ZBTB7C: variants seen among roughly 807,000 people sequenced by gnomAD.
The protein encoded by ZBTB7C is zinc finger and BTB domain-containing protein 7C.
Under a neutral mutation model 25.7 loss-of-function variants are expected in ZBTB7C, and 8 were observed. That is an observed-to-expected ratio of 0.31 (90% CI 0.18 to 0.56). ZBTB7C has a LOEUF of 0.56. Ranked by LOEUF, ZBTB7C falls within the 20% of genes least tolerant of loss-of-function variation. The pLI is 0.91. For missense variants in ZBTB7C, 824 were observed against 855.2 expected, an observed-to-expected ratio of 0.96 and a Z score of 0.46; for synonymous variants, 394 against 369.0, an observed-to-expected ratio of 1.07 and a Z score of -0.78.
chr18:48,141,146 A>ACCCC (rs1377082699), intron 3 of ZBTB7C, among the ~76,000 whole-genome samples: 36 of 81,678 alleles, frequency 4.4e-4, no homozygotes, highest in Non-Finnish European at 6.0e-4. Flanking sequence ...CCCCCGCACC[A>ACCCC]CCCCCCCCAC....
At chr18:48,157,188 T>C (rs938546307) in intron 3 of ZBTB7C, among the ~76,000 whole-genome samples, 2 of 152,166 alleles carry the variant, frequency 1.3e-5, no homozygotes, top group Admixed American at 1.3e-4. Flanking sequence ...GGAGAGCTTT[T>C]CAATAAATAA....
At chr18:48,086,174 C>T (rs1374473666) in intron 3 of ZBTB7C, among the ~76,000 whole-genome samples, 1 of 152,188 alleles carries the variant, frequency 6.6e-6, no homozygotes, top group African/African-American at 2.4e-5. Context: ...CTGCTGTTCC[C>T]CACTAACCAC....
In ZBTB7C at chr18:48,065,182, C is replaced by T. The variant is rs564418607; in HGVS notation, c.-16-24059G>A. On this transcript the variant is annotated intron_variant, in intron 3 of 4. Coordinates refer to ENST00000590800, the MANE Select transcript of ZBTB7C (RefSeq NM_001318841.2). ...GCGCTAGGCCCAGCTGGCTGGACCCCGCTGCCAGGACCTTGAATCTTAAGT... is the reference window on the plus strand; with the variant it reads ...GCGCTAGGCCCAGCTGGCTGGACCCTGCTGCCAGGACCTTGAATCTTAAGT... Among the ~76,000 whole-genome samples, 311 of 152,150 alleles carry T rather than the reference C, an allele frequency of 2.0e-3. 2 individuals are homozygous for T. The highest frequency in any genetic ancestry group is 7.2e-3 in the African/African-American group (300 of 41,518).
rs554622949 is a variant in ZBTB7C at position 48,391,937 on chromosome 18, C to T, written c.-304+17289G>A. On this transcript the variant is annotated intron_variant, in intron 1 of 4. Transcript: ENST00000590800. The stretch of plus-strand genomic sequence containing the variant: ...CCTCAAGAAGTTAAAATTCTTACAG[C>T]TTTTCAGTTGTCCCGGCCACAACTG... Among the ~76,000 whole-genome samples, 3 of 152,346 alleles carry T rather than the reference C, an allele frequency of 2.0e-5. No homozygotes were observed. The South Asian group carries it at 6.2e-4, about 32-fold the overall frequency.
intron 2 of ZBTB7C, among the ~76,000 whole-genome samples, chr18:48,204,801 C>T (rs536405675): frequency 2.0e-5 from 3 of 152,302 alleles, no homozygotes; most frequent in Admixed American, 1.3e-4. Context: ...ACCCCTGCAG[C>T]CTATGCCAGA....
chr18:48,351,646 C>T (rs1401914726), intron 1 of ZBTB7C, among the ~76,000 whole-genome samples: 1 of 152,218 alleles, frequency 6.6e-6, no homozygotes. Flanking sequence ...GTTGCTTCAA[C>T]TTGAAGGAGC....
intron 3 of ZBTB7C, among the ~76,000 whole-genome samples, chr18:48,058,633 G>T (rs1264742271): frequency 6.6e-6 from 1 of 152,160 alleles, no homozygotes; most frequent in African/African-American, 2.4e-5. Flanking sequence ...GCCAGCCTCC[G>T]GAATGGCTCC....
At chr18:48,367,333 TACATATATGTGTGC>T (rs2047263550) in intron 1 of ZBTB7C, among the ~76,000 whole-genome samples, 2 of 105,494 alleles carry the variant, frequency 1.9e-5, no homozygotes, top group African/African-American at 7.0e-5. Flanking sequence ...TGTATATATA[TACATATATGTGTGC>T]ATATATATAT....
At chr18:48,182,404 T>C (rs982869983) in intron 3 of ZBTB7C, among the ~76,000 whole-genome samples, 1 of 152,196 alleles carries the variant, frequency 6.6e-6, no homozygotes, top group African/African-American at 2.4e-5. Flanking sequence ...GAACAGAGCA[T>C]TCAAGACCGA....
In ZBTB7C at chr18:48,029,129, GTAT is replaced by G. The variant is rs545966893; in HGVS notation, c.*128_*130del. 2.5e-5 allele frequency: 31 copies of G among 1,252,514 alleles called. No individual in the cohort carries two copies. The highest frequency in any genetic ancestry group is 2.9e-5 in the East Asian group (1 of 34,380). The allele number at this position is 1,252,514 out of a possible 1,614,324, so 77.6% of individuals were successfully genotyped here. On this transcript the variant is annotated 3_prime_UTR_variant, in exon 5 of 5. Coordinates refer to ENST00000590800, the MANE Select transcript of ZBTB7C (RefSeq NM_001318841.2). Reference sequence around the variant, plus strand: ...GCCCGGGAAAATGCCATCACTGATAGTATTATTATTATTTTCCCATTTTCCCTT... The same window carrying G: ...GCCCGGGAAAATGCCATCACTGATAGTATTATTATTTTCCCATTTTCCCTT...
At chr18:48,133,598 G>C (rs1257567217) in intron 3 of ZBTB7C, among the ~76,000 whole-genome samples, 5 of 134,014 alleles carry the variant, frequency 3.7e-5, no homozygotes, top group Admixed American at 7.2e-5. Context: ...CATTCCCCAC[G>C]CTATTTTTTT....
chr18:48,395,264 AATGTGTGTGTGTGTGTGTG>A (rs2047996054), intron 1 of ZBTB7C, among the ~76,000 whole-genome samples: 1 of 97,596 alleles, frequency 1.0e-5, no homozygotes. Flanking sequence ...AGAGAGAGAG[AATGTGTGTGTGTGTGTGTG>A]TGTGTGTGTG....
At chr18:48,318,316 C>G (rs191371325) in intron 2 of ZBTB7C, among the ~76,000 whole-genome samples, 1 of 152,202 alleles carries the variant, frequency 6.6e-6, no homozygotes, top group Non-Finnish European at 1.5e-5. Flanking sequence ...AACCAACCCC[C>G]CCTCACAAGT....
chr18:48,067,935 A>G (rs1274602024), intron 3 of ZBTB7C, among the ~76,000 whole-genome samples: 1 of 152,100 alleles, frequency 6.6e-6, no homozygotes, highest in East Asian at 1.9e-4. Context: ...TGGGAGGCAG[A>G]GTTTGCAGTG....
intron 3 of ZBTB7C, among the ~76,000 whole-genome samples, chr18:48,167,563 G>GGTGTGTGTGTGTGTGTTTGT (rs1555705393): frequency 0.2 from 28,353 of 142,286 alleles, 3,250 homozygotes; most frequent in Middle Eastern, 0.29. Flanking sequence ...GCATTGCTAG[G>GGTGTGTGTGTGTGTGTTTGT]GTGTGTGTGT....
chr18:48,180,500 C>A, intron 3 of ZBTB7C: 1 of 375,908 alleles, frequency 2.7e-6, no homozygotes, highest in Non-Finnish European at 5.3e-6. Context: ...GGAAATGAAG[C>A]AGGCATGGGT....
At chr18:48,370,116 T>A (rs887630536) in intron 1 of ZBTB7C, among the ~76,000 whole-genome samples, 2 of 152,136 alleles carry the variant, frequency 1.3e-5, no homozygotes, top group Non-Finnish European at 2.9e-5. Flanking sequence ...TCCAAATACT[T>A]AGAACCAAAG....
rs1208590058 is a variant in ZBTB7C, at chr18:48,148,259, T to TCAGCCTCC, written c.-17+37667_-17+37674dup. 3 of 151,190 alleles carry TCAGCCTCC rather than the reference T, an allele frequency of 2.0e-5. No individual in the cohort carries two copies. The East Asian group carries it at 5.9e-4, about 30-fold the overall frequency. The allele number at this position is 151,190 out of a possible 1,614,324, so 9.4% of individuals were successfully genotyped here. A position where few individuals can be genotyped will look rare whatever the true frequency, so the allele number is the denominator to read the frequency against. ...CCTGACCTCAGATGATCTGCCTGCC[T>TCAGCCTCC]CAGCCTCCCAAAGTGTTGGGATTAC... On this transcript the variant is annotated intron_variant, in intron 3 of 4. Coordinates refer to ENST00000590800, the MANE Select transcript of ZBTB7C (RefSeq NM_001318841.2).
At chr18:48,409,742 TG>T (rs150116638), upstream of ZBTB7C, among the ~76,000 whole-genome samples, 1 of 151,008 alleles carries the variant, frequency 6.6e-6, no homozygotes, top group Admixed American at 6.6e-5. Flanking sequence ...GGAGGCGGAG[TG>T]GGGGGGCCGG....
Sources: gnomAD v4.1 joint callset for allele counts (sites outside exome capture counted in the v4.1 genomes callset) on GRCh38, gnomAD v4.1.1 for gene constraint, MANE v1.5 for transcripts, NCBI Gene and HGNC (gene_info 2026-07-23, HGNC 2026-07-21) for gene names.